MBNL2: variants seen among roughly 807,000 people sequenced by gnomAD.
MBNL2 encodes muscleblind like splicing regulator 2, also known as muscleblind-like protein 2.
Under a neutral mutation model 41.9 loss-of-function variants are expected in MBNL2, and 17 were observed. The ratio of observed to expected loss-of-function variants is 0.41; its 90% CI spans 0.28 to 0.61. The LOEUF is 0.61. Ranked by LOEUF, MBNL2 falls within the 20% of genes least tolerant of loss-of-function variation. MBNL2 has a pLI of 0.35. For synonymous variants in MBNL2, 195 were observed against 182.9 expected (o/e 1.07, Z -0.53); for missense variants, 336 against 505.6 (o/e 0.66, Z 3.22).
intron 5 of MBNL2, among the ~76,000 whole-genome samples, chr13:97,356,182 C>CA (rs2062965430): frequency 6.6e-6 from 1 of 152,114 alleles, no homozygotes; most frequent in African/African-American, 2.4e-5. Context: ...ATGATTCAGA[C>CA]AAAAAATAAA....
chr13:97,166,417 A>T, the MBNL2 span, among the ~76,000 whole-genome samples: 1 of 152,024 alleles, frequency 6.6e-6, no homozygotes, highest in South Asian at 2.1e-4. Flanking sequence ...ACTGAGTGTC[A>T]ACTTGATTGG....
At chr13:97,337,304 C>A (rs2060970166) in intron 3 of MBNL2, among the ~76,000 whole-genome samples, 1 of 152,194 alleles carries the variant, frequency 6.6e-6, no homozygotes, top group African/African-American at 2.4e-5. Context: ...AAATTCAATT[C>A]AGTTGTTTGT....
At chr13:97,370,327 T>A (rs2064243402) in intron 8 of MBNL2, among the ~76,000 whole-genome samples, 2 of 152,184 alleles carry the variant, frequency 1.3e-5, no homozygotes, top group African/African-American at 4.8e-5. Flanking sequence ...GAGCTGGATT[T>A]GAACAGAGCT....
intron 1 of MBNL2, among the ~76,000 whole-genome samples, chr13:97,265,409 A>G (rs2049534453): frequency 6.6e-6 from 1 of 152,188 alleles, no homozygotes; most frequent in South Asian, 2.1e-4. Context: ...AGAGGACAAA[A>G]TACCATGTAA....
intron 5 of MBNL2, among the ~76,000 whole-genome samples, chr13:97,353,485 T>C (rs2062691191): frequency 6.6e-6 from 1 of 152,206 alleles, no homozygotes; most frequent in African/African-American, 2.4e-5. Flanking sequence ...CTGACTTCCA[T>C]ATAGAAACCC....
At chr13:97,347,600 T>C (rs1279583329) in intron 5 of MBNL2, among the ~76,000 whole-genome samples, 1 of 152,188 alleles carries the variant, frequency 6.6e-6, no homozygotes, top group Non-Finnish European at 1.5e-5. Flanking sequence ...CCCATCTCAA[T>C]GAGGTTTTAT....
chr13:97,149,614 G>C, the MBNL2 span, among the ~76,000 whole-genome samples: 17 of 152,256 alleles, frequency 1.1e-4, no homozygotes, highest in African/African-American at 3.9e-4. Context: ...TAAACAGGTA[G>C]TTCTTATTAT....
At chr13:97,168,508 C>G in the MBNL2 span, among the ~76,000 whole-genome samples, 1 of 152,140 alleles carries the variant, frequency 6.6e-6, no homozygotes, top group African/African-American at 2.4e-5. Context: ...CTGGGACTTA[C>G]TAGCTTATCA....
At chr13:97,340,035 TCTC>T (rs2061325606) in intron 3 of MBNL2, among the ~76,000 whole-genome samples, 2 of 152,322 alleles carry the variant, frequency 1.3e-5, no homozygotes, top group Middle Eastern at 3.4e-3. Context: ...ATTTAGTGGC[TCTC>T]CTCTAAATTG....
upstream of MBNL2, among the ~76,000 whole-genome samples, chr13:97,218,914 A>G (rs370049688): frequency 2.6e-5 from 4 of 151,646 alleles, no homozygotes; most frequent in South Asian, 2.1e-4. Flanking sequence ...TAGAGAGTCA[A>G]TTGTGACTTC....
rs147669155 is a variant in MBNL2, at chr13:97,383,406, C to T, written c.1049-7916C>T. Among the ~76,000 whole-genome samples the T allele has an allele frequency of 4.6e-5, 7 of 152,216 alleles. No homozygotes were observed. In the South Asian group the frequency reaches 6.2e-4, roughly 14 times the overall value. ...GTGAACCCTGGTCAGTAATCTTCAG[C>T]GAGGACAGTATTATTGCTTTTCATG... On this transcript the variant is annotated intron_variant, in intron 8 of 8. Coordinates refer to ENST00000679496, the MANE Select transcript of MBNL2 (RefSeq NM_001382683.1).
chr13:97,242,382 C>A (rs1356767616), intron 1 of MBNL2, among the ~76,000 whole-genome samples: 1 of 152,168 alleles, frequency 6.6e-6, no homozygotes, highest in African/African-American at 2.4e-5. Context: ...TTACCAGGAT[C>A]CTGTTGACTC....
intron 2 of MBNL2, among the ~76,000 whole-genome samples, chr13:97,328,851 T>C (rs1313883141): frequency 6.6e-6 from 1 of 152,202 alleles, no homozygotes; most frequent in African/African-American, 2.4e-5. Flanking sequence ...TTGATTTTTT[T>C]TCAATTAGGA....
chr13:97,242,629 G>A (rs2044520754), intron 1 of MBNL2, among the ~76,000 whole-genome samples: 1 of 152,106 alleles, frequency 6.6e-6, no homozygotes, highest in Admixed American at 6.5e-5. Flanking sequence ...AGAAATGTAG[G>A]GTCTAGAAGA....
upstream of MBNL2, among the ~76,000 whole-genome samples, chr13:97,218,436 A>AAAC (rs1555302245): frequency 2.8e-5 from 3 of 108,192 alleles, no homozygotes; most frequent in African/African-American, 9.5e-5. Flanking sequence ...AAAACAAAAC[A>AAAC]AAACAAAAAA....
intron 1 of MBNL2, among the ~76,000 whole-genome samples, chr13:97,229,126 A>G (rs2042049851): frequency 6.7e-6 from 1 of 148,758 alleles, no homozygotes; most frequent in African/African-American, 2.5e-5. Context: ...CTAAAAATCT[A>G]TAAATTTCTG....
chr13:97,273,988 G>A (rs2051639475), intron 1 of MBNL2, among the ~76,000 whole-genome samples: 1 of 152,082 alleles, frequency 6.6e-6, no homozygotes, highest in African/African-American at 2.4e-5. Context: ...TTGAACTCAG[G>A]AGGCAGAGGT....
intron 1 of MBNL2, among the ~76,000 whole-genome samples, chr13:97,258,488 C>T (rs907184773): frequency 1.3e-5 from 2 of 152,140 alleles, no homozygotes; most frequent in East Asian, 3.9e-4. Context: ...TTACCCTCTT[C>T]CTGTTCCTAG....
In MBNL2 at chr13:97,391,693, C is replaced by G. The variant is rs1048969431; in HGVS notation, c.*244C>G. On this transcript the variant is annotated 3_prime_UTR_variant, in exon 9 of 9. Coordinates refer to ENST00000679496, the MANE Select transcript of MBNL2 (RefSeq NM_001382683.1). ...CTATAGCTGATGCAGAAAGTCCAGC[C>G]AGTTTACTCATTTCGATTCAGAATA... 2.7e-6 allele frequency: 1 copy of G among 376,170 alleles called. No individual in the cohort carries two copies. The highest frequency in any genetic ancestry group is 4.7e-6 in the Non-Finnish European group (1 of 212,284). 23.3% of individuals were successfully genotyped at this position (376,170 alleles called of 1,614,324 possible).
Sources: allele counts gnomAD v4.1 joint callset (sites outside exome capture counted in the v4.1 genomes callset), GRCh38; gene constraint gnomAD v4.1.1; transcripts MANE v1.5; gene names NCBI Gene and HGNC (gene_info 2026-07-23, HGNC 2026-07-21).